The following ASS1 variants were observed in gnomAD, a reference collection of about 807,000 sequenced individuals.
The protein encoded by ASS1 is argininosuccinate synthase.
ASS1 carries 58 observed loss-of-function variants against 60.5 expected under a neutral mutation model. That is an observed-to-expected ratio of 0.96 (90% confidence interval 0.78 to 1.19). ASS1 has a LOEUF of 1.19. Ranked by LOEUF, ASS1 falls within the 50% of genes most tolerant of loss-of-function variation. ASS1 has a pLI of 0.00. For missense variants in ASS1, 454 were observed against 547.3 expected (o/e 0.83, Z 1.70); for synonymous variants, 200 against 206.9 (o/e 0.97, Z 0.29).
intron 3 of ASS1, among the ~76,000 whole-genome samples, chr9:130,454,933 TCATC>T (rs765672952): frequency 3.6e-5 from 5 of 137,258 alleles, no homozygotes; most frequent in East Asian, 2.3e-4. Flanking sequence ...ATCCATCCAT[TCATC>T]CATCCATCCA....
chr9:130,484,799 GCACACACACACA>G (rs3030699), intron 11 of ASS1, among the ~76,000 whole-genome samples: 93 of 146,704 alleles, frequency 6.3e-4, no homozygotes, highest in African/African-American at 2.1e-3. Context: ...AGCTTTAAAC[GCACACACACACA>G]CACACACACA....
chr9:130,445,179 C>A lies in ASS1; in HGVS notation c.-6+184C>A, dbSNP rs139289763. 78 of 985,334 alleles carry A rather than the reference C, an allele frequency of 7.9e-5. No individual in the cohort carries two copies. In the African/African-American group the frequency reaches 1.2e-3, roughly 15 times the overall value. The allele number at this position is 985,334 out of a possible 1,614,324, so 61.0% of individuals were successfully genotyped here. ...AGGGAAGGGGCTCCCGATGCTCAAA[C>A]GCCTGGCACCGGATTCCAGGTTTCT... On this transcript the variant is annotated intron_variant, in intron 1 of 14. Transcript: ENST00000352480.
chr9:130,471,204 G>C (rs1037876160), intron 7 of ASS1, among the ~76,000 whole-genome samples: 13 of 152,304 alleles, frequency 8.5e-5, no homozygotes, highest in Non-Finnish European at 1.8e-4. Flanking sequence ...GTGGCACAGG[G>C]GAAGAGTGTT....
intron 2 of ASS1, among the ~76,000 whole-genome samples, chr9:130,454,097 C>T (rs923412198): frequency 1.3e-5 from 2 of 152,228 alleles, no homozygotes; most frequent in Admixed American, 6.5e-5. Context: ...CAGCCATCAC[C>T]ACGCTACAAT....
chr9:130,471,039 G>T (rs2131886667), intron 7 of ASS1, 135 bp downstream of exon 7: 2 of 1,017,882 alleles, frequency 2.0e-6, no homozygotes. Flanking sequence ...CCTCAGGCAG[G>T]ACAGAGGTCG....
chr9:130,452,870 G>A (rs555084774), intron 2 of ASS1, among the ~76,000 whole-genome samples: 1 of 152,312 alleles, frequency 6.6e-6, no homozygotes, highest in African/African-American at 2.4e-5. Flanking sequence ...GCTCCTCTTC[G>A]ACTGAACCTG....
At position 130,476,948 on chromosome 9, in the gene ASS1, C is replaced by T. The variant is rs58233547; in HGVS notation, c.675C>T (p.Ile225=). ...CCAACACCCCTGACATTCTCGAGATCGAGTTCAAAAAAGGTATGTGCCCAC... is the reference window on the plus strand; with the variant it reads ...CCAACACCCCTGACATTCTCGAGATTGAGTTCAAAAAAGGTATGTGCCCAC... The part of the protein sequence containing the change: ...KAPNTPDILE[I]EFKKGVPVKV... Residue 225 remains isoleucine (I), a synonymous_variant, in exon 9 of 15, where the codon ATC becomes ATT. Coordinates refer to ENST00000352480, the MANE Select transcript of ASS1 (RefSeq NM_054012.4). This position sits in a 1 kb window ranked among gnomAD's most constrained non-coding sequence, Gnocchi z 4.9. 2,095 of 1,613,978 alleles carry T rather than the reference C, an allele frequency of 1.3e-3. 24 individuals carry two copies. In the African/African-American group the frequency reaches 0.025, roughly 19 times the overall value.
At chr9:130,448,169 C>T (rs150324077) in intron 1 of ASS1, among the ~76,000 whole-genome samples, 123 of 152,010 alleles carry the variant, frequency 8.1e-4, no homozygotes, top group Non-Finnish European at 1.5e-3. Flanking sequence ...TAGGGACCTG[C>T]GGAGGCTGAG....
At chr9:130,458,733 A>T in intron 4 of ASS1, 144 bp downstream of exon 4, 2 of 1,159,878 alleles carry the variant, frequency 1.7e-6, no homozygotes, top group Non-Finnish European at 2.5e-6. Flanking sequence ...TTAGACCCCA[A>T]TGAGAGGGGT....
intron 11 of ASS1, among the ~76,000 whole-genome samples, chr9:130,481,659 C>A (rs1009078957): frequency 1.3e-5 from 2 of 152,182 alleles, no homozygotes; most frequent in Admixed American, 6.5e-5. Context: ...AAGTGTAATG[C>A]GGTAGGCGCT....
intron 11 of ASS1, among the ~76,000 whole-genome samples, chr9:130,486,330 A>G (rs754145339): frequency 3.8e-4 from 58 of 151,840 alleles, no homozygotes; most frequent in Admixed American, 1.5e-3. Context: ...AGCTCAAGCA[A>G]TCCTCCCTCC....
chr9:130,453,785 C>T (rs1367796879), intron 2 of ASS1, among the ~76,000 whole-genome samples: 48 of 152,140 alleles, frequency 3.2e-4, no homozygotes, highest in Non-Finnish European at 2.9e-5. Context: ...TGTCAGACCC[C>T]GAGGTCAGGG....
chr9:130,447,355 G>A (rs930774350), intron 1 of ASS1, among the ~76,000 whole-genome samples: 1 of 152,276 alleles, frequency 6.6e-6, no homozygotes, highest in Non-Finnish European at 1.5e-5. Flanking sequence ...TCCACCTTGA[G>A]AGGATGCACC....
At chr9:130,499,290 G>C (rs1733077321) in intron 13 of ASS1, among the ~76,000 whole-genome samples, 1 of 152,180 alleles carries the variant, frequency 6.6e-6, no homozygotes, top group Non-Finnish European at 1.5e-5. Context: ...GCTCCACTAG[G>C]GCTCTCCAAC....
intron 4 of ASS1, among the ~76,000 whole-genome samples, chr9:130,462,916 C>T (rs187493195): frequency 6.6e-6 from 1 of 152,298 alleles, no homozygotes; most frequent in East Asian, 1.9e-4. Context: ...AGTGGCTGCA[C>T]CTCTCTGAGC....
chr9:130,472,197 C>T (rs1415160588), intron 8 of ASS1, among the ~76,000 whole-genome samples: 9 of 152,260 alleles, frequency 5.9e-5, no homozygotes, highest in South Asian at 4.2e-4. Context: ...CCCCACACCC[C>T]GGGGAGGCTG....
At chr9:130,482,954 T>A (rs1367741246) in intron 11 of ASS1, among the ~76,000 whole-genome samples, 1 of 152,222 alleles carries the variant, frequency 6.6e-6, no homozygotes, top group Non-Finnish European at 1.5e-5. Context: ...GGCAAGTTTC[T>A]CCCTCTGGAA....
rs564171307 is a variant in ASS1 at position 130,481,704 on chromosome 9, G to A, written c.838+1255G>A. Among the ~76,000 whole-genome samples the A allele has an allele frequency of 2.9e-3, 448 of 152,320 alleles. 9 individuals carry two copies. Among genetic ancestry groups the A allele is most frequent in the Non-Finnish European group, 7.9e-4 (54 of 68,034 alleles). On this transcript the variant is annotated intron_variant, in intron 11 of 14. Coordinates refer to ENST00000352480, the MANE Select transcript of ASS1 (RefSeq NM_054012.4). Reference sequence around the variant, plus strand: ...ATCACTCTGGCTCTGACCTGTCTGCGTTTCCCTGGAAAGGCATGGCAGCAT... The same window carrying A: ...ATCACTCTGGCTCTGACCTGTCTGCATTTCCCTGGAAAGGCATGGCAGCAT...
chr9:130,480,744 A>T (rs1461361686), intron 11 of ASS1, among the ~76,000 whole-genome samples: 1 of 152,110 alleles, frequency 6.6e-6, no homozygotes, highest in East Asian at 1.9e-4. Context: ...CCTGGAGGTC[A>T]GGCTGTCTTG....
Sources: allele counts gnomAD v4.1 joint callset (sites outside exome capture counted in the v4.1 genomes callset), GRCh38; gene constraint gnomAD v4.1.1; non-coding constraint Gnocchi (gnomAD v3.1); transcripts MANE v1.5; gene names NCBI Gene and HGNC (gene_info 2026-07-23, HGNC 2026-07-21).